Variants in CDH13 observed in about 807,000 individuals in gnomAD.
The protein encoded by CDH13 is cadherin-13.
CDH13 carries 24 observed loss-of-function variants against 63.8 expected under a neutral mutation model. That is an observed-to-expected ratio of 0.38 (90% confidence interval 0.27 to 0.53). The LOEUF (loss-of-function observed/expected upper bound fraction) is 0.53, where lower values mean the gene tolerates loss of function less well. Among genes scored for constraint, CDH13 ranks in the 20% least tolerant of loss-of-function variants. The probability of loss-of-function intolerance (pLI) is 0.85; values close to 1 mark genes in which losing one functional copy is unlikely to be tolerated. For synonymous variants in CDH13, 503 were observed against 355.3 expected, an observed-to-expected ratio of 1.42 and a Z score of -4.67; for missense variants, 1,049 against 903.1, an observed-to-expected ratio of 1.16 and a Z score of -2.07.
chr16:83,583,869 A>G (rs774907164), intron 7 of CDH13, among the ~76,000 whole-genome samples: 3 of 152,206 alleles, frequency 2.0e-5, no homozygotes, highest in Non-Finnish European at 4.4e-5. Flanking sequence ...GTGAGCTGAG[A>G]TCGCACCACA....
At chr16:83,758,296 C>G (rs1406058031) in intron 11 of CDH13, among the ~76,000 whole-genome samples, 2 of 152,068 alleles carry the variant, frequency 1.3e-5, no homozygotes, top group Non-Finnish European at 2.9e-5. Flanking sequence ...GCAGACCGAT[C>G]TCACTCATGA....
At position 83,798,880 on chromosome 16, in the gene CDH13, T is replaced by A. The variant is rs1210005105; in HGVS notation, c.*3850T>A. ...GAAAGCTTTCTGTTAAAAAAAAAAA[T>A]GTTAACATCGTTCTAAATTAATATT... On this transcript the variant is annotated 3_prime_UTR_variant, in exon 14 of 14. Transcript: ENST00000567109. The A allele has an allele frequency of 1.3e-5, 2 of 148,670 alleles. No homozygotes were observed. The highest frequency in any genetic ancestry group is 2.5e-5 in the African/African-American group (1 of 40,132). 9.2% of individuals were successfully genotyped at this position (148,670 alleles called of 1,614,324 possible).
At chr16:83,367,013 A>C (rs1022256860) in intron 6 of CDH13, among the ~76,000 whole-genome samples, 1 of 152,144 alleles carries the variant, frequency 6.6e-6, no homozygotes, top group African/African-American at 2.4e-5. Flanking sequence ...AAAGTATATA[A>C]TTCAATGTTT....
At chr16:83,215,635 GGGGGTGGT>G (rs996930238) in intron 4 of CDH13, among the ~76,000 whole-genome samples, 144 of 151,988 alleles carry the variant, frequency 9.5e-4, no homozygotes, top group African/African-American at 3.3e-3. Context: ...CTAAAGTGGC[GGGGGTGGT>G]GGGGTGGTGG....
chr16:83,506,228 G>C (rs993855302), intron 7 of CDH13, among the ~76,000 whole-genome samples: 1 of 152,194 alleles, frequency 6.6e-6, no homozygotes, highest in African/African-American at 2.4e-5. Context: ...AGAGTGAAGA[G>C]TATAGACAAG....
intron 1 of CDH13, among the ~76,000 whole-genome samples, chr16:82,846,613 C>T (rs192749456): frequency 6.6e-6 from 1 of 152,258 alleles, no homozygotes; most frequent in Admixed American, 6.5e-5. Context: ...GCCTGCGAAT[C>T]TTTACTCTGA....
At chr16:83,582,150 A>G (rs1471155934) in intron 7 of CDH13, among the ~76,000 whole-genome samples, 1 of 152,168 alleles carries the variant, frequency 6.6e-6, no homozygotes, top group Non-Finnish European at 1.5e-5. Flanking sequence ...GCAGGGTCCC[A>G]GGATCCTTGG....
At chr16:83,024,981 T>C (rs1597163458) in intron 2 of CDH13, among the ~76,000 whole-genome samples, 1 of 152,098 alleles carries the variant, frequency 6.6e-6, no homozygotes, top group Non-Finnish European at 1.5e-5. Flanking sequence ...ACCATTTCCA[T>C]GGCAACAGCC....
In CDH13 at chr16:83,047,452, T is replaced by C. The variant is rs1917903981; in HGVS notation, c.366+15234T>C. On this transcript the variant is annotated intron_variant, in intron 3 of 13. Coordinates refer to ENST00000567109, the MANE Select transcript of CDH13 (RefSeq NM_001257.5). This position sits in a 1 kb window ranked among gnomAD's most constrained non-coding sequence, Gnocchi z 4.9. The stretch of plus-strand genomic sequence containing the variant: ...TGTAAGAGCGTGACCACCAGTCTTA[T>C]TTACCTTGTTATCTGTAATTTCCTC... Among the ~76,000 whole-genome samples, 3 of 152,168 alleles carry C rather than the reference T, an allele frequency of 2.0e-5. No homozygotes were observed. Among genetic ancestry groups the C allele is most frequent in the South Asian group, 2.1e-4 (1 of 4,824 alleles).
At chr16:83,493,535 C>G (rs898171292) in intron 7 of CDH13, among the ~76,000 whole-genome samples, 7 of 152,082 alleles carry the variant, frequency 4.6e-5, no homozygotes, top group African/African-American at 1.7e-4. Flanking sequence ...TGTGTGGAAA[C>G]CTGGAGTGCG....
At chr16:83,650,877 A>G (rs1362282867) in intron 8 of CDH13, among the ~76,000 whole-genome samples, 2 of 152,112 alleles carry the variant, frequency 1.3e-5, no homozygotes, top group South Asian at 2.1e-4. Flanking sequence ...GTTCAAGACC[A>G]GCCTGGGCAA....
intron 3 of CDH13, among the ~76,000 whole-genome samples, chr16:83,046,333 G>A (rs1224142679): frequency 6.6e-6 from 1 of 152,032 alleles, no homozygotes; most frequent in African/African-American, 2.4e-5. Context: ...TTGTATGTAG[G>A]CGGCCATCAA....
At chr16:83,031,595 A>G (rs927446206) in intron 2 of CDH13, among the ~76,000 whole-genome samples, 4 of 151,672 alleles carry the variant, frequency 2.6e-5, no homozygotes, top group Non-Finnish European at 5.9e-5. Context: ...CTCATCTCCT[A>G]CTTATCTTCA....
intron 1 of CDH13, chr16:82,824,911 A>G (rs563255668): frequency 6.6e-6 from 1 of 152,356 alleles, no homozygotes; most frequent in African/African-American, 2.4e-5. Context: ...ATGATAATGC[A>G]TGCTGCTTCT....
intron 5 of CDH13, among the ~76,000 whole-genome samples, chr16:83,344,616 T>C (rs2151363624): frequency 6.6e-6 from 1 of 152,340 alleles, no homozygotes; most frequent in African/African-American, 2.4e-5. Context: ...TTTAACTTTC[T>C]TTGCCGATTT....
At chr16:83,517,006 TA>T (rs2074712048) in intron 7 of CDH13, among the ~76,000 whole-genome samples, 1 of 152,180 alleles carries the variant, frequency 6.6e-6, no homozygotes, top group African/African-American at 2.4e-5. Context: ...CTGGTGTAGT[TA>T]AAAACTGAAA....
intron 7 of CDH13, among the ~76,000 whole-genome samples, chr16:83,547,665 A>G (rs1405554266): frequency 1.3e-5 from 2 of 152,172 alleles, no homozygotes; most frequent in Non-Finnish European, 2.9e-5. Flanking sequence ...ATTCCATGGT[A>G]TATACGTACC....
At chr16:82,904,935 C>A (rs1049554113) in intron 2 of CDH13, among the ~76,000 whole-genome samples, 4 of 152,058 alleles carry the variant, frequency 2.6e-5, no homozygotes, top group African/African-American at 9.7e-5. Context: ...TGCAGTTTCT[C>A]CCTAAATGAA....
intron 8 of CDH13, among the ~76,000 whole-genome samples, chr16:83,610,518 G>A (rs116890105): frequency 8.5e-5 from 13 of 152,122 alleles, no homozygotes; most frequent in East Asian, 7.7e-4. Flanking sequence ...CCACCTGCTC[G>A]GTAAAACAGC....
Sources: allele counts gnomAD v4.1 joint callset (sites outside exome capture counted in the v4.1 genomes callset), GRCh38; gene constraint gnomAD v4.1.1; non-coding constraint Gnocchi (gnomAD v3.1); transcripts MANE v1.5; gene names NCBI Gene and HGNC (gene_info 2026-07-23, HGNC 2026-07-21).